The following TAF3 variants were observed in gnomAD, a reference collection of about 807,000 sequenced individuals.
TAF3 encodes TATA-box binding protein associated factor 3.
Under a neutral mutation model 80.6 loss-of-function variants are expected in TAF3, and 7 were observed. That is an observed-to-expected ratio of 0.09 (90% confidence interval 0.05 to 0.16). The LOEUF (loss-of-function observed/expected upper bound fraction) is 0.16. Among genes scored for constraint, TAF3 ranks in the 10% least tolerant of loss-of-function variants. The pLI is 1.00. For synonymous variants in TAF3, 444 were observed against 446.1 expected (o/e 1.00, Z 0.06); for missense variants, 921 against 1,140.2 (o/e 0.81, Z 2.77).
chr10:7,879,671 C>A, intron 2 of TAF3, among the ~76,000 whole-genome samples: 1 of 152,124 alleles, frequency 6.6e-6, no homozygotes. Context: ...AGTATTTCTT[C>A]TCTACCTATT....
chr10:7,944,093 T>TTGTGTGTGTGTGTGTG (rs35219363), intron 2 of TAF3, among the ~76,000 whole-genome samples: 14 of 137,092 alleles, frequency 1.0e-4, no homozygotes, highest in African/African-American at 1.4e-4. Context: ...ATGTTCATGC[T>TTGTGTGTGTGTGTGTG]TGTGTGTGTG....
intron 2 of TAF3, among the ~76,000 whole-genome samples, chr10:7,919,708 A>T (rs1359467801): frequency 6.6e-6 from 1 of 152,226 alleles, no homozygotes; most frequent in African/African-American, 2.4e-5. Context: ...TATAACAGCT[A>T]ATACAGTATA....
intron 3 of TAF3, among the ~76,000 whole-genome samples, chr10:7,971,152 A>C (rs1455032681): frequency 1.3e-5 from 2 of 152,140 alleles, no homozygotes; most frequent in African/African-American, 2.4e-5. Flanking sequence ...AGCTGTCTAC[A>C]TGGGGTGGCA....
intron 2 of TAF3, among the ~76,000 whole-genome samples, chr10:7,872,356 T>C (rs1257636163): frequency 2.0e-5 from 3 of 152,164 alleles, no homozygotes; most frequent in African/African-American, 7.2e-5. Flanking sequence ...GCCTTATTCT[T>C]TGTGGCAGAG....
chr10:7,862,453 G>T (rs1837157642), intron 2 of TAF3, among the ~76,000 whole-genome samples: 1 of 151,832 alleles, frequency 6.6e-6, no homozygotes, highest in African/African-American at 2.4e-5. Context: ...ATCTCTTTAG[G>T]TTTTGATTTG....
At chr10:7,935,870 G>A (rs1031303638) in intron 2 of TAF3, among the ~76,000 whole-genome samples, 5 of 152,154 alleles carry the variant, frequency 3.3e-5, no homozygotes, top group Admixed American at 3.3e-4. Flanking sequence ...CTAGTACAGA[G>A]GGTGTTTATA....
intron 2 of TAF3, among the ~76,000 whole-genome samples, chr10:7,943,610 T>G (rs1188682711): frequency 6.6e-6 from 1 of 152,154 alleles, no homozygotes; most frequent in Non-Finnish European, 1.5e-5. Context: ...GAATAAATAC[T>G]TGTCATTTCC....
At chr10:7,853,777 CA>C (rs1837051756) in intron 2 of TAF3, among the ~76,000 whole-genome samples, 1 of 152,172 alleles carries the variant, frequency 6.6e-6, no homozygotes, top group Non-Finnish European at 1.5e-5. Flanking sequence ...CTGTATATCC[CA>C]AAAGCCTAAA....
chr10:7,942,232 TG>T (rs1364452572), intron 2 of TAF3, among the ~76,000 whole-genome samples: 8 of 152,242 alleles, frequency 5.3e-5, no homozygotes, highest in African/African-American at 1.9e-4. Flanking sequence ...AATTGCGTTT[TG>T]TCGATTTCAG....
At position 7,964,220 on chromosome 10, in the gene TAF3, C is replaced by A; in HGVS notation, c.710C>A (p.Thr237Lys). 2 of 1,614,220 alleles carry A rather than the reference C, an allele frequency of 1.2e-6. No homozygotes were observed. The highest frequency in any genetic ancestry group is 2.2e-5 in the South Asian group (2 of 91,090). Residue 237 changes from threonine to lysine, a missense_variant, in exon 3 of 7, where the codon ACA becomes AAA. This residue lies in a region of TAF3 where 743 missense variants were observed against 821.0 expected (regional missense o/e 0.90). Transcript: ENST00000344293. This position sits in a 1 kb window ranked among gnomAD's most constrained non-coding sequence, Gnocchi z 4.1. ...MLSPVHVQDSTDLAPPSPEPP... is the reference protein window; with the variant it reads ...MLSPVHVQDSKDLAPPSPEPP... Reference sequence around the variant, plus strand: ...TCTCCAGTCCATGTACAGGACAGTACAGACTTGGCACCTCCCTCACCCGAG... The same window carrying A: ...TCTCCAGTCCATGTACAGGACAGTAAAGACTTGGCACCTCCCTCACCCGAG...
Position 7,965,497 on chromosome 10 carries a change from C to G in TAF3, c.1987C>G (p.Leu663Val). 6.2e-7 allele frequency: 1 copy of G among 1,606,208 alleles called. No homozygotes were observed. Among genetic ancestry groups the G allele is most frequent in the Non-Finnish European group, 8.5e-7 (1 of 1,178,184 alleles). ...GGTGTTGCCCCCAAAAGAGTTGGCC[C>G]TGCCCTTGTTCAGCCCTGCCACAGC... The part of the protein sequence containing the change: ...PLVLPPKELA[L>V]PLFSPATASR... Residue 663 changes from leucine (L) to valine (V), a missense_variant, in exon 3 of 7, where the codon CTG becomes GTG. Physicochemically the swap from Leu to Val is conservative, Grantham distance 32. Around this residue, in one of 6 missense-constraint regions of TAF3, gnomAD observed 743 missense variants for 821.0 expected, o/e 0.90. Transcript: ENST00000344293.
intron 3 of TAF3, among the ~76,000 whole-genome samples, chr10:7,974,334 G>A (rs531532425): frequency 5.3e-5 from 8 of 152,222 alleles, no homozygotes; most frequent in East Asian, 1.9e-4. Flanking sequence ...GGGAAGGGGC[G>A]GTTTGTGGGC....
chr10:7,930,408 G>C (rs745402835), intron 2 of TAF3, among the ~76,000 whole-genome samples: 4 of 152,106 alleles, frequency 2.6e-5, no homozygotes, highest in Non-Finnish European at 5.9e-5. Flanking sequence ...ATATAGACTC[G>C]TACAGCCCTA....
intron 2 of TAF3, among the ~76,000 whole-genome samples, chr10:7,933,718 C>A (rs1837890632): frequency 6.6e-6 from 1 of 152,080 alleles, no homozygotes; most frequent in African/African-American, 2.4e-5. Flanking sequence ...CTGCTGTAAT[C>A]CTCAATTCTC....
chr10:7,835,414 A>G (rs1020145369), intron 2 of TAF3, among the ~76,000 whole-genome samples: 12 of 152,190 alleles, frequency 7.9e-5, no homozygotes, highest in Admixed American at 4.6e-4. Flanking sequence ...GGAATGTTCC[A>G]AATATGGGAA....
chr10:7,948,099 G>A (rs1485876569), intron 2 of TAF3, among the ~76,000 whole-genome samples: 1 of 147,380 alleles, frequency 6.8e-6, no homozygotes, highest in East Asian at 2.0e-4. Context: ...GTCTCACTCT[G>A]TTGCCCCGGC....
intron 4 of TAF3, among the ~76,000 whole-genome samples, chr10:7,980,869 T>A (rs1295331984): frequency 6.6e-6 from 1 of 152,208 alleles, no homozygotes; most frequent in Non-Finnish European, 1.5e-5. Context: ...TTATTTGTCC[T>A]CCCCATCTTA....
At position 7,964,234 on chromosome 10, in the gene TAF3, C is replaced by T. The variant is rs1831544277; in HGVS notation, c.724C>T (p.Pro242Ser). ...HVQDSTDLAPPSPEPPMLAPV... is the reference protein window; with the variant it reads ...HVQDSTDLAPSSPEPPMLAPV... ...ACAGGACAGTACAGACTTGGCACCTCCCTCACCCGAGCCGCCAATGTTGGC... is the reference window on the plus strand; with the variant it reads ...ACAGGACAGTACAGACTTGGCACCTTCCTCACCCGAGCCGCCAATGTTGGC... The change falls in exon 3 of 7, where the codon CCC becomes TCC. Residue 242 changes from proline to serine, a missense_variant. Pro to Ser is a moderately conservative substitution (Grantham distance 74). This residue lies in a region of TAF3 where 743 missense variants were observed against 821.0 expected (regional missense o/e 0.90). Transcript: ENST00000344293. This position sits in a 1 kb window ranked among gnomAD's most constrained non-coding sequence, Gnocchi z 4.1. 6.2e-7 allele frequency: 1 copy of T among 1,614,078 alleles called. No individual in the cohort carries two copies. Among genetic ancestry groups the T allele is most frequent in the Non-Finnish European group, 8.5e-7 (1 of 1,180,044 alleles).
At chr10:7,943,712 A>G (rs992368272) in intron 2 of TAF3, among the ~76,000 whole-genome samples, 7 of 152,236 alleles carry the variant, frequency 4.6e-5, no homozygotes, top group Non-Finnish European at 1.5e-5. Context: ...TACCAACCAA[A>G]TATAATTCTA....
Sources: gnomAD v4.1 joint callset for allele counts (sites outside exome capture counted in the v4.1 genomes callset) on GRCh38, gnomAD v4.1.1 for gene constraint, gnomAD v4.1.1 regional missense constraint, Gnocchi (gnomAD v3.1) non-coding constraint, MANE v1.5 for transcripts, NCBI Gene and HGNC (gene_info 2026-07-23, HGNC 2026-07-21) for gene names.